SNAPC1: variants seen among roughly 807,000 people sequenced by gnomAD.
SNAPC1 encodes snRNA-activating protein complex subunit 1.
SNAPC1 carries 42 observed loss-of-function variants against 50.1 expected under a neutral mutation model. The observed-to-expected ratio is 0.84, with a 90% CI of 0.65 to 1.08. SNAPC1 has a LOEUF of 1.08. Among genes scored for constraint, SNAPC1 ranks in the 50% least tolerant of loss-of-function variants. The pLI is 0.00. For missense variants in SNAPC1, 477 were observed against 427.3 expected, an observed-to-expected ratio of 1.12 and a Z score of -1.02; for synonymous variants, 164 against 144.2, an observed-to-expected ratio of 1.14 and a Z score of -0.98.
At chr14:61,763,647 G>A (rs550979884) in intron 1 of SNAPC1, among the ~76,000 whole-genome samples, 1 of 152,052 alleles carries the variant, frequency 6.6e-6, no homozygotes, top group Middle Eastern at 3.4e-3. Flanking sequence ...GACTGAGTAC[G>A]CTGTTCATGT....
intron 8 of SNAPC1, among the ~76,000 whole-genome samples, chr14:61,785,166 G>C (rs907484862): frequency 6.1e-4 from 93 of 152,264 alleles, no homozygotes; most frequent in African/African-American, 2.2e-3. Context: ...ACTTTGGGAG[G>C]CTGAGGCAGG....
intron 8 of SNAPC1, 45 bp from the exon 9 acceptor site, chr14:61,792,759 TATA>T (rs2045161830): frequency 9.3e-7 from 1 of 1,071,894 alleles, no homozygotes; most frequent in South Asian, 1.6e-5. Flanking sequence ...TCTCAAAGAT[TATA>T]ATATTCTTTG....
intron 7 of SNAPC1, among the ~76,000 whole-genome samples, chr14:61,779,865 C>T (rs1439354887): frequency 3.9e-5 from 6 of 151,942 alleles, no homozygotes; most frequent in African/African-American, 9.7e-5. Context: ...TGCATCACCA[C>T]GCATGGCTAA....
At chr14:61,770,631 G>A (rs2044981783) in intron 4 of SNAPC1, among the ~76,000 whole-genome samples, 1 of 152,094 alleles carries the variant, frequency 6.6e-6, no homozygotes, top group African/African-American at 2.4e-5. Flanking sequence ...GGTCTGTTCT[G>A]TAAAGTAACT....
intron 5 of SNAPC1, 130 bp downstream of exon 5, chr14:61,776,383 C>T (rs2045035575): frequency 2.6e-6 from 2 of 772,024 alleles, no homozygotes; most frequent in Admixed American, 3.2e-5. Flanking sequence ...TAGGGCTTGG[C>T]TTTTCTAGTT....
chr14:61,788,278 G>T (rs2045128879), intron 8 of SNAPC1, among the ~76,000 whole-genome samples: 1 of 152,180 alleles, frequency 6.6e-6, no homozygotes, highest in African/African-American at 2.4e-5. Flanking sequence ...ATACTCTGAA[G>T]CAGAAGTAGT....
At chr14:61,770,124 T>C in intron 4 of SNAPC1, among the ~76,000 whole-genome samples, 1 of 152,186 alleles carries the variant, frequency 6.6e-6, no homozygotes, top group Non-Finnish European at 1.5e-5. Flanking sequence ...CCTTAATAAA[T>C]GTTAATTCCC....
intron 6 of SNAPC1, 34 bp downstream of exon 6, chr14:61,778,174 C>T: frequency 7.7e-7 from 1 of 1,290,368 alleles, no homozygotes; most frequent in East Asian, 2.3e-5. Context: ...TTATGTGTGG[C>T]TGTGATTCTG....
intron 8 of SNAPC1, among the ~76,000 whole-genome samples, chr14:61,784,644 CTG>C (rs2045101713): frequency 6.6e-6 from 1 of 152,210 alleles, no homozygotes; most frequent in Non-Finnish European, 1.5e-5. Flanking sequence ...TCCAGTAAAA[CTG>C]TATAAAAGCA....
chr14:61,770,850 T>C (rs2044984620), intron 4 of SNAPC1, among the ~76,000 whole-genome samples: 1 of 152,146 alleles, frequency 6.6e-6, no homozygotes, highest in Non-Finnish European at 1.5e-5. Context: ...CAAGTGATAC[T>C]CATGCCTCAG....
chr14:61,778,232 G>T (rs1319640092), intron 6 of SNAPC1, 92 bp downstream of exon 6: 4 of 672,862 alleles, frequency 5.9e-6, no homozygotes, highest in Non-Finnish European at 9.7e-6. Context: ...ACATATAAGA[G>T]AAAATTCTGA....
At chr14:61,774,664 T>C (rs1566589409) in intron 4 of SNAPC1, among the ~76,000 whole-genome samples, 1 of 143,374 alleles carries the variant, frequency 7.0e-6, no homozygotes, top group African/African-American at 2.6e-5. Context: ...TTTTTTTTTT[T>C]TTTTTTTTTT....
chr14:61,762,650 C>T, intron 1 of SNAPC1, 62 bp downstream of exon 1: 4 of 1,596,218 alleles, frequency 2.5e-6, no homozygotes, highest in Non-Finnish European at 3.4e-6. Flanking sequence ...AAAGTTGCCT[C>T]CTTCCCGGCG....
intron 7 of SNAPC1, among the ~76,000 whole-genome samples, chr14:61,781,426 G>C (rs1369304227): frequency 6.8e-6 from 1 of 147,844 alleles, no homozygotes; most frequent in Non-Finnish European, 1.5e-5. Context: ...CTCCAGCCTG[G>C]GTGACAAAGC....
rs536239089 is a variant in SNAPC1, at chr14:61,794,902, T to G, written c.1073-47T>G. 40 of 1,370,222 alleles carry G rather than the reference T, an allele frequency of 2.9e-5. No homozygotes were observed. The Middle Eastern group carries it at 5.9e-4, about 20-fold the overall frequency. 84.9% of individuals were successfully genotyped at this position (1,370,222 alleles called of 1,614,324 possible). A position where few individuals can be genotyped will look rare whatever the true frequency, so the allele number is the denominator to read the frequency against. On this transcript the variant is annotated intron_variant, in intron 9 of 9. Coordinates refer to ENST00000216294, the MANE Select transcript of SNAPC1 (RefSeq NM_003082.4). Reference sequence around the variant, plus strand: ...TGTCAGTTGTTTTTTTTGTTTGTTTTTTTTTTGTTTTTAGATCTGACTGAC... The same window carrying G: ...TGTCAGTTGTTTTTTTTGTTTGTTTGTTTTTTGTTTTTAGATCTGACTGAC...
At chr14:61,776,056 A>G (rs2140179186) in intron 4 of SNAPC1, 39 bp from the exon 5 acceptor site, 5 of 1,527,082 alleles carry the variant, frequency 3.3e-6, no homozygotes, top group East Asian at 4.6e-5. Flanking sequence ...TTTCTCCTCA[A>G]AAAGTGAAGA....
At chr14:61,781,872 A>G (rs12101258) in intron 7 of SNAPC1, among the ~76,000 whole-genome samples, 28,531 of 152,238 alleles carry the variant, frequency 0.19, 2,923 homozygotes, top group African/African-American at 0.26. Context: ...TCTGGGCCAC[A>G]TGGCCAAACC....
At chr14:61,786,989 A>G (rs1439963941) in intron 8 of SNAPC1, among the ~76,000 whole-genome samples, 2 of 152,260 alleles carry the variant, frequency 1.3e-5, no homozygotes, top group East Asian at 1.9e-4. Context: ...ATCTAACAAC[A>G]TAGATGAATC....
chr14:61,783,085 C>G (rs558395750), intron 8 of SNAPC1, among the ~76,000 whole-genome samples: 1 of 142,260 alleles, frequency 7.0e-6, no homozygotes, highest in Non-Finnish European at 1.5e-5. Flanking sequence ...TGCAATGGCA[C>G]GATCTTGGCT....
Sources: gnomAD v4.1 joint callset for allele counts (sites outside exome capture counted in the v4.1 genomes callset) on GRCh38, gnomAD v4.1.1 for gene constraint, MANE v1.5 for transcripts, NCBI Gene and HGNC (gene_info 2026-07-23, HGNC 2026-07-21) for gene names.